The following PLCB1 variants were observed in gnomAD, a reference collection of about 807,000 sequenced individuals.
The protein encoded by PLCB1 is phospholipase C beta 1.
A neutral mutation model predicts 161.8 loss-of-function variants in PLCB1; 46 were observed. That is an observed-to-expected ratio of 0.28 (90% CI 0.22 to 0.36). PLCB1 has a LOEUF of 0.36. Among genes scored for constraint, PLCB1 ranks in the 10% least tolerant of loss-of-function variants. The pLI is 1.00. For synonymous variants in PLCB1, 517 were observed against 503.7 expected, an observed-to-expected ratio of 1.03 and a Z score of -0.35; for missense variants, 1,016 against 1,472.5, an observed-to-expected ratio of 0.69 and a Z score of 5.07.
chr20:8,345,145 C>G (rs781625406), intron 2 of PLCB1, among the ~76,000 whole-genome samples: 13 of 152,148 alleles, frequency 8.5e-5, no homozygotes, highest in Non-Finnish European at 1.8e-4. Context: ...CTTCACGAAG[C>G]CTTAGTAGGA....
rs146829127 is a variant in PLCB1, at chr20:8,231,539, C to A, written c.177+81168C>A. 8.9e-4 allele frequency among the ~76,000 whole-genome samples: 136 copies of A among 152,328 alleles called. 1 individual carries two copies. In the East Asian group the frequency reaches 0.023, roughly 26 times the overall value. ...ACATAGGTCCTGCACACAATTGGCACTATGTTGGTATACATGCTGAATGAA... is the reference window on the plus strand; with the variant it reads ...ACATAGGTCCTGCACACAATTGGCAATATGTTGGTATACATGCTGAATGAA... On this transcript the variant is annotated intron_variant, in intron 2 of 31. Coordinates refer to ENST00000338037, the MANE Select transcript of PLCB1 (RefSeq NM_015192.4).
chr20:8,662,312 T>C (rs1260380267), intron 9 of PLCB1, among the ~76,000 whole-genome samples: 17 of 108,428 alleles, frequency 1.6e-4, no homozygotes, highest in African/African-American at 6.4e-4. Flanking sequence ...TATATAATTA[T>C]GTATAATATG....
intron 3 of PLCB1, among the ~76,000 whole-genome samples, chr20:8,449,672 A>G (rs1980988431): frequency 6.6e-6 from 1 of 152,164 alleles, no homozygotes; most frequent in African/African-American, 2.4e-5. Flanking sequence ...TGAGCCCCCC[A>G]CTCAATACAC....
chr20:8,601,690 A>G (rs1015874171), intron 3 of PLCB1, among the ~76,000 whole-genome samples: 1 of 152,132 alleles, frequency 6.6e-6, no homozygotes, highest in Non-Finnish European at 1.5e-5. Context: ...GTGATGTGCA[A>G]AGCCAGGACT....
intron 19 of PLCB1, among the ~76,000 whole-genome samples, chr20:8,734,704 T>C (rs1208528391): frequency 6.6e-6 from 1 of 152,118 alleles, no homozygotes; most frequent in Non-Finnish European, 1.5e-5. Context: ...AAAATCAATT[T>C]TTTAGAATAC....
intron 3 of PLCB1, among the ~76,000 whole-genome samples, chr20:8,434,008 T>A (rs1225913538): frequency 6.6e-6 from 1 of 152,244 alleles, no homozygotes; most frequent in Non-Finnish European, 1.5e-5. Context: ...AAGATGATTT[T>A]CAATCACAGT....
chr20:8,327,385 T>C (rs528592810), intron 2 of PLCB1, among the ~76,000 whole-genome samples: 1 of 152,336 alleles, frequency 6.6e-6, no homozygotes, highest in African/African-American at 2.4e-5. Flanking sequence ...ATTTTTCCCT[T>C]GAAGGACATA....
chr20:8,257,145 C>T (rs991762343), intron 2 of PLCB1, among the ~76,000 whole-genome samples: 11 of 152,108 alleles, frequency 7.2e-5, no homozygotes, highest in African/African-American at 2.7e-4. Context: ...GCAACCTTCA[C>T]CTGGAGAACA....
At chr20:8,491,399 C>A (rs1009404536) in intron 3 of PLCB1, among the ~76,000 whole-genome samples, 3 of 151,960 alleles carry the variant, frequency 2.0e-5, no homozygotes, top group Non-Finnish European at 4.4e-5. Context: ...TCAGACATTA[C>A]GTTCTCAAAT....
chr20:8,740,218 G>GA (rs1233516043), intron 21 of PLCB1, 126 bp from the exon 22 acceptor site: 1 of 602,468 alleles, frequency 1.7e-6, no homozygotes, highest in Non-Finnish European at 2.9e-6. Context: ...TTATTAAAAT[G>GA]AAAAAAGTGA....
At chr20:8,240,185 A>G (rs916662607) in intron 2 of PLCB1, among the ~76,000 whole-genome samples, 1 of 151,742 alleles carries the variant, frequency 6.6e-6, no homozygotes, top group African/African-American at 2.4e-5. Context: ...GAATGAGGTC[A>G]GTAACTTCCT....
intron 2 of PLCB1, among the ~76,000 whole-genome samples, chr20:8,194,119 C>A (rs1446549825): frequency 6.6e-6 from 1 of 152,066 alleles, no homozygotes; most frequent in Non-Finnish European, 1.5e-5. Context: ...ACCCTGTGTA[C>A]ATCACACTTA....
intron 31 of PLCB1, among the ~76,000 whole-genome samples, chr20:8,800,137 G>T (rs1984214373): frequency 6.6e-6 from 1 of 152,198 alleles, no homozygotes; most frequent in South Asian, 2.1e-4. Flanking sequence ...AAAGGCTATT[G>T]CATGAGGGCA....
intron 3 of PLCB1, among the ~76,000 whole-genome samples, chr20:8,523,024 G>A (rs1221047276): frequency 6.6e-6 from 1 of 152,138 alleles, no homozygotes; most frequent in Non-Finnish European, 1.5e-5. Flanking sequence ...CATAGAGCAT[G>A]ATTCGTGGTC....
chr20:8,727,379 A>G lies in PLCB1; in HGVS notation c.1749A>G (p.Pro583=), dbSNP rs1397656158. Reference sequence around the variant, plus strand: ...GACTTGAACAACTCACCAAGTCTCCAGTGGAATTTGTAGAGTATCCTTGAT... The same window carrying G: ...GACTTGAACAACTCACCAAGTCTCCGGTGGAATTTGTAGAGTATCCTTGAT... ...TKGLEQLTKS[P]VEFVEYNKMQ... The change falls in exon 17 of 32, where the codon CCA becomes CCG. Residue 583 remains proline (P), a synonymous_variant. Coordinates refer to ENST00000338037, the MANE Select transcript of PLCB1 (RefSeq NM_015192.4). 3 of 1,578,238 alleles carry G rather than the reference A, an allele frequency of 1.9e-6. No individual in the cohort carries two copies. The highest frequency in any genetic ancestry group is 1.3e-5 in the African/African-American group (1 of 74,178).
At chr20:8,499,294 A>G (rs528289388) in intron 3 of PLCB1, among the ~76,000 whole-genome samples, 44 of 152,106 alleles carry the variant, frequency 2.9e-4, no homozygotes, top group Non-Finnish European at 5.9e-4. Context: ...ACATTCCCTA[A>G]TTTTCTTCTT....
Position 8,243,319 on chromosome 20 carries a change from G to T in PLCB1, c.177+92948G>T, listed in dbSNP as rs111310142. 9.2e-5 allele frequency among the ~76,000 whole-genome samples: 14 copies of T among 152,098 alleles called. 1 individual carries two copies. The highest frequency in any genetic ancestry group is 3.4e-4 in the African/African-American group (14 of 41,540). ...GCTTGCCTTAGACTACAAATGCAAA[G>T]AGGAAAAGGTTAATTTTCTAACACA... is the stretch of plus-strand genomic sequence containing the variant. On this transcript the variant is annotated intron_variant, in intron 2 of 31. Transcript: ENST00000338037.
intron 31 of PLCB1, among the ~76,000 whole-genome samples, chr20:8,833,880 TTCCATGCTCTTGCCCA>T (rs1166637633): frequency 6.6e-6 from 1 of 152,200 alleles, no homozygotes; most frequent in Non-Finnish European, 1.5e-5. Context: ...TCTTTTTCCC[TTCCATGCTCTTGCCCA>T]TCCTTCTGGA....
At chr20:8,289,232 A>T (rs116879252) in intron 2 of PLCB1, among the ~76,000 whole-genome samples, 2 of 152,336 alleles carry the variant, frequency 1.3e-5, no homozygotes, top group East Asian at 3.9e-4. Context: ...GAGTGCTTTC[A>T]GCCTGTCTAA....
Sources: gnomAD v4.1 joint callset for allele counts (sites outside exome capture counted in the v4.1 genomes callset) on GRCh38, gnomAD v4.1.1 for gene constraint, MANE v1.5 for transcripts, NCBI Gene and HGNC (gene_info 2026-07-23, HGNC 2026-07-21) for gene names.